Variants in ELL observed in about 807,000 individuals in gnomAD.
ELL encodes RNA polymerase II elongation factor ELL.
A neutral mutation model predicts 64.0 loss-of-function variants in ELL; 18 were observed. That is an observed-to-expected ratio of 0.28 (90% confidence interval 0.19 to 0.42). The LOEUF is 0.42. Ranked by LOEUF, ELL falls within the 10% of genes least tolerant of loss-of-function variation. The pLI is 1.00. For missense variants in ELL, 797 were observed against 870.4 expected (o/e 0.92, Z 1.06); for synonymous variants, 399 against 376.2 (o/e 1.06, Z -0.70).
At chr19:18,515,480 T>C (rs1015548057) in intron 1 of ELL, among the ~76,000 whole-genome samples, 1 of 152,226 alleles carries the variant, frequency 6.6e-6, no homozygotes, top group Non-Finnish European at 1.5e-5. Context: ...TGATTCAGCC[T>C]CCTCCAGAGT....
intron 1 of ELL, among the ~76,000 whole-genome samples, chr19:18,487,805 C>G (rs1975451353): frequency 6.6e-6 from 1 of 152,248 alleles, no homozygotes; most frequent in Non-Finnish European, 1.5e-5. Context: ...ACAACGGGAT[C>G]TTCTATTACC....
At chr19:18,518,716 G>A (rs557442244) in intron 1 of ELL, among the ~76,000 whole-genome samples, 2 of 151,610 alleles carry the variant, frequency 1.3e-5, no homozygotes, top group East Asian at 1.9e-4. Context: ...ACTTGAACCC[G>A]GGAGGCGGAG....
intron 2 of ELL, among the ~76,000 whole-genome samples, chr19:18,466,322 G>A (rs1198531152): frequency 6.6e-6 from 1 of 152,228 alleles, no homozygotes; most frequent in Non-Finnish European, 1.5e-5. Flanking sequence ...ACCCTATGAG[G>A]TAAAATGCAA....
chr19:18,520,073 A>C (rs1176280925), intron 1 of ELL, among the ~76,000 whole-genome samples: 1 of 152,194 alleles, frequency 6.6e-6, no homozygotes, highest in Non-Finnish European at 1.5e-5. Context: ...TCCAGCTTAG[A>C]GAGGGGATGT....
chr19:18,448,272 TGA>T (rs932170946), intron 8 of ELL: 1 of 149,126 alleles, frequency 6.7e-6, no homozygotes, highest in African/African-American at 2.6e-5. Flanking sequence ...CACTATCCCC[TGA>T]GAGAGCAGGA....
At chr19:18,461,888 G>A in intron 4 of ELL, 36 bp from the exon 5 acceptor site, 1 of 1,589,466 alleles carries the variant, frequency 6.3e-7, no homozygotes. Flanking sequence ...GAACAGAGAG[G>A]GCGCTGCCGT....
At chr19:18,466,917 A>C (rs576472225) in intron 2 of ELL, among the ~76,000 whole-genome samples, 1 of 152,156 alleles carries the variant, frequency 6.6e-6, no homozygotes, top group Non-Finnish European at 1.5e-5. Flanking sequence ...ACTGTGGCTG[A>C]ATCTCCTGCC....
intron 1 of ELL, among the ~76,000 whole-genome samples, chr19:18,474,549 C>T (rs550233107): frequency 6.6e-6 from 1 of 152,256 alleles, no homozygotes; most frequent in Admixed American, 6.5e-5. Context: ...TGGGCCCACT[C>T]CACAGCGAGC....
chr19:18,503,608 C>T (rs970056166), intron 1 of ELL, among the ~76,000 whole-genome samples: 9 of 152,192 alleles, frequency 5.9e-5, no homozygotes, highest in Non-Finnish European at 1.3e-4. Context: ...GCTCAGGGTA[C>T]GTGCAGAGCC....
Position 18,465,632 on chromosome 19 carries a change from G to A in ELL, c.306-57C>T, listed in dbSNP as rs972708740. ...AGCTGGGACAATGCAGGGAGGATCCGTTGAGGGCCCAAGCCCCCAGCCCAC... is the reference window on the plus strand; with the variant it reads ...AGCTGGGACAATGCAGGGAGGATCCATTGAGGGCCCAAGCCCCCAGCCCAC... On this transcript the variant is annotated intron_variant, in intron 3 of 11. Coordinates refer to ENST00000262809, the MANE Select transcript of ELL (RefSeq NM_006532.4). 41 of 1,499,468 alleles carry A rather than the reference G, an allele frequency of 2.7e-5. No homozygotes were observed. The African/African-American group carries it at 3.1e-4, about 11-fold the overall frequency. 92.9% of individuals were successfully genotyped at this position (1,499,468 alleles called of 1,614,324 possible).
rs984848343 is a variant in ELL, at chr19:18,443,070, G to A, written c.*1682C>T. 2 of 232,324 alleles carry A rather than the reference G, an allele frequency of 8.6e-6. No homozygotes were observed. Among genetic ancestry groups the A allele is most frequent in the African/African-American group, 2.2e-5 (1 of 45,274 alleles). The allele number at this position is 232,324 out of a possible 1,614,324, so 14.4% of individuals were successfully genotyped here. ...GGACTGGTTCCCAGGGCAGAGGGGCGGGCAGTCCCGGGCTGGGACCTCCTG... is the reference window on the plus strand; with the variant it reads ...GGACTGGTTCCCAGGGCAGAGGGGCAGGCAGTCCCGGGCTGGGACCTCCTG... On this transcript the variant is annotated 3_prime_UTR_variant, in exon 12 of 12. Transcript: ENST00000262809.
chr19:18,483,155 A>AT, intron 1 of ELL, among the ~76,000 whole-genome samples: 1 of 151,974 alleles, frequency 6.6e-6, no homozygotes, highest in Admixed American at 6.6e-5. Flanking sequence ...CTCCCCTCCC[A>AT]AACTAGCAGC....
Position 18,461,713 on chromosome 19 carries a change from G to C in ELL, c.609C>G (p.Ser203=). The C allele has an allele frequency of 6.2e-7, 1 of 1,613,700 alleles. No individual in the cohort carries two copies. The highest frequency in any genetic ancestry group is 8.5e-7 in the Non-Finnish European group (1 of 1,179,960). The change falls in exon 5 of 12, where the codon TCC becomes TCG. Residue 203 remains serine (S), a synonymous_variant. Coordinates refer to ENST00000262809, the MANE Select transcript of ELL (RefSeq NM_006532.4). ...GCACTCGGTCACGGAAGGGCCTCTG[G>C]GACACCCCGCTGCCCCCACTCACGG... The part of the protein sequence containing the change: ...ASAVSGGSGV[S]QRPFRDRVLH...
At chr19:18,474,094 G>A (rs913961590) in intron 1 of ELL, among the ~76,000 whole-genome samples, 10 of 152,222 alleles carry the variant, frequency 6.6e-5, no homozygotes, top group African/African-American at 2.4e-4. Flanking sequence ...TCCGCCCTCT[G>A]GAGCCACTCA....
At chr19:18,510,120 C>T (rs914027592) in intron 1 of ELL, among the ~76,000 whole-genome samples, 1 of 152,240 alleles carries the variant, frequency 6.6e-6, no homozygotes, top group Non-Finnish European at 1.5e-5. Flanking sequence ...GTAATCCCAG[C>T]ACTTTGGGAG....
chr19:18,443,944 A>T lies in ELL; in HGVS notation c.*808T>A, dbSNP rs561805119. The T allele has an allele frequency of 4.3e-6, 1 of 232,748 alleles. No homozygotes were observed. Among genetic ancestry groups the T allele is most frequent in the African/African-American group, 2.2e-5 (1 of 45,434 alleles). The allele number at this position is 232,748 out of a possible 1,614,324, so 14.4% of individuals were successfully genotyped here. ...ACAAATGGGAAACCGAGGACATCGC[A>T]AAGAAAAGTCTGACGCCGCTGCGGC... is the stretch of plus-strand genomic sequence containing the variant. On this transcript the variant is annotated 3_prime_UTR_variant, in exon 12 of 12. Coordinates refer to ENST00000262809, the MANE Select transcript of ELL (RefSeq NM_006532.4).
intron 1 of ELL, among the ~76,000 whole-genome samples, chr19:18,479,113 G>A (rs1177130103): frequency 6.6e-6 from 1 of 152,188 alleles, no homozygotes; most frequent in African/African-American, 2.4e-5. Context: ...AAGTGTGGTG[G>A]GTGAATCTTC....
In ELL at chr19:18,498,897, T is replaced by A. The variant is rs377358555; in HGVS notation, c.135+23024A>T. Among the ~76,000 whole-genome samples, 8 of 151,776 alleles carry A rather than the reference T, an allele frequency of 5.3e-5. No homozygotes were observed. In the East Asian group the frequency reaches 1.5e-3, roughly 29 times the overall value. ...ACCAGGAGGCAGAGGTTGCAGTGAG[T>A]CGAGATCACACCACTGCACTCCAGC... On this transcript the variant is annotated intron_variant, in intron 1 of 11. Coordinates refer to ENST00000262809, the MANE Select transcript of ELL (RefSeq NM_006532.4).
At chr19:18,463,073 C>T (rs1324607352) in intron 4 of ELL, among the ~76,000 whole-genome samples, 1 of 152,222 alleles carries the variant, frequency 6.6e-6, no homozygotes, top group Non-Finnish European at 1.5e-5. Context: ...TCAACAGTGC[C>T]TCAAATCCTT....
Sources: gnomAD v4.1 joint callset for allele counts (sites outside exome capture counted in the v4.1 genomes callset) on GRCh38, gnomAD v4.1.1 for gene constraint, MANE v1.5 for transcripts, NCBI Gene and HGNC (gene_info 2026-07-23, HGNC 2026-07-21) for gene names.